ZNF536: variants seen among roughly 807,000 people sequenced by gnomAD.
ZNF536 encodes zinc finger protein 536.
ZNF536 carries 13 observed loss-of-function variants against 84.5 expected under a neutral mutation model. The observed-to-expected ratio is 0.15, with a 90% CI of 0.10 to 0.24. The LOEUF is 0.24. Ranked by LOEUF, ZNF536 falls within the 10% of genes least tolerant of loss-of-function variation. The probability of loss-of-function intolerance (pLI) is 1.00; values close to 1 mark genes in which losing one functional copy is unlikely to be tolerated. For synonymous variants in ZNF536, 811 were observed against 742.5 expected (o/e 1.09, Z -1.50); for missense variants, 1,536 against 1,747.5 (o/e 0.88, Z 2.16).
intron 1 of ZNF536, among the ~76,000 whole-genome samples, chr19:30,230,305 C>T (rs2022935561): frequency 6.6e-6 from 1 of 152,326 alleles, no homozygotes; most frequent in South Asian, 2.1e-4. Flanking sequence ...CTCTAAAATG[C>T]TTTCACCCTA....
At chr19:30,517,767 G>C (rs914879563) in intron 2 of ZNF536, among the ~76,000 whole-genome samples, 2 of 152,092 alleles carry the variant, frequency 1.3e-5, no homozygotes, top group African/African-American at 4.8e-5. Context: ...GGGCAACAGA[G>C]CAAGATCCTG....
chr19:30,653,119 T>C (rs1225495827), intron 1 of ZNF536, among the ~76,000 whole-genome samples: 1 of 152,230 alleles, frequency 6.6e-6, no homozygotes, highest in Admixed American at 6.5e-5. Flanking sequence ...GGTTTCACCA[T>C]GCTTGACTCT....
At chr19:30,642,679 A>G (rs1474803216) in intron 1 of ZNF536, among the ~76,000 whole-genome samples, 1 of 152,208 alleles carries the variant, frequency 6.6e-6, no homozygotes, top group Non-Finnish European at 1.5e-5. Flanking sequence ...GACTCTAGCA[A>G]CAGATTAGAT....
chr19:30,239,675 A>G (rs762171898), intron 1 of ZNF536, among the ~76,000 whole-genome samples: 6 of 152,222 alleles, frequency 3.9e-5, no homozygotes, highest in Non-Finnish European at 8.8e-5. Context: ...CCTGGGAATT[A>G]GAGCAGAAGC....
chr19:30,561,707 G>GTCC (rs2046174209), downstream of ZNF536, among the ~76,000 whole-genome samples: 1 of 152,216 alleles, frequency 6.6e-6, no homozygotes, highest in Admixed American at 6.5e-5. Context: ...AAGGATTGAA[G>GTCC]GAGCCGGGGT....
chr19:30,686,786 C>T (rs1156892638), intron 1 of ZNF536, among the ~76,000 whole-genome samples: 2 of 152,122 alleles, frequency 1.3e-5, no homozygotes, highest in Admixed American at 6.6e-5. Context: ...AGCCCTCCCC[C>T]CACTCCCCCC....
chr19:30,310,573 G>A (rs1245252900), intron 2 of ZNF536, among the ~76,000 whole-genome samples: 1 of 152,226 alleles, frequency 6.6e-6, no homozygotes, highest in Non-Finnish European at 1.5e-5. Context: ...GCAGCGGCAG[G>A]AATTTCATTT....
intron 3 of ZNF536, among the ~76,000 whole-genome samples, chr19:30,367,053 A>G (rs1049580530): frequency 6.6e-6 from 1 of 152,236 alleles, no homozygotes; most frequent in African/African-American, 2.4e-5. Context: ...AAAATGCAAT[A>G]AAAGGATGAC....
At chr19:30,318,090 G>A (rs1020537330) in intron 2 of ZNF536, among the ~76,000 whole-genome samples, 16 of 152,162 alleles carry the variant, frequency 1.1e-4, no homozygotes, top group African/African-American at 2.4e-4. Flanking sequence ...CGGCACATCC[G>A]GCCTGCCCTT....
rs567152304 is a variant in ZNF536 at position 30,275,806 on chromosome 19, A to G, written c.-189-8266A>G. Among the ~76,000 whole-genome samples the G allele has an allele frequency of 5.4e-4, 82 of 151,154 alleles. 1 individual carries two copies. The highest frequency in any genetic ancestry group is 1.9e-3 in the African/African-American group (77 of 41,106). Reference sequence around the variant, plus strand: ...TTATTGAATTCAAGAATGGTCAGTCAATGAACAAAGCCCTCAGAAGGTGTG... The same window carrying G: ...TTATTGAATTCAAGAATGGTCAGTCGATGAACAAAGCCCTCAGAAGGTGTG... On this transcript the variant is annotated intron_variant, in intron 1 of 5. Coordinates refer to the ZNF536 transcript ENST00000585628.
At position 30,228,855 on chromosome 19, in the gene ZNF536, T is replaced by G. The variant is rs930897911; in HGVS notation, c.-190+182T>G. On this transcript the variant is annotated intron_variant, in intron 1 of 5. Coordinates refer to the ZNF536 transcript ENST00000585628. This position sits in a 1 kb window ranked among gnomAD's most constrained non-coding sequence, Gnocchi z 4.5. The stretch of plus-strand genomic sequence containing the variant: ...CCGGCTGGCTGCTCGCACAACTTTT[T>G]TTTTTTCCCCCGTCTGCTGACTTTT... The G allele has an allele frequency of 6.6e-6, 1 of 151,300 alleles. No individual in the cohort carries two copies. Among genetic ancestry groups the G allele is most frequent in the African/African-American group, 2.4e-5 (1 of 41,200 alleles). 9.4% of individuals were successfully genotyped at this position (151,300 alleles called of 1,614,324 possible). A position where few individuals can be genotyped will look rare whatever the true frequency, so the allele number is the denominator to read the frequency against.
intron 1 of ZNF536, among the ~76,000 whole-genome samples, chr19:30,639,746 T>C (rs2147322322): frequency 6.6e-6 from 1 of 152,358 alleles, no homozygotes; most frequent in African/African-American, 2.4e-5. Flanking sequence ...TTCTGGTGTT[T>C]ATCTTCTTGG....
chr19:30,507,257 G>A (rs1385072158), intron 2 of ZNF536, among the ~76,000 whole-genome samples: 4 of 152,092 alleles, frequency 2.6e-5, no homozygotes, highest in South Asian at 4.1e-4. Flanking sequence ...AGTTACTTGG[G>A]AGGCTGAGGC....
chr19:30,361,416 A>G (rs1056293049), intron 3 of ZNF536, among the ~76,000 whole-genome samples: 36 of 144,264 alleles, frequency 2.5e-4, no homozygotes, highest in Non-Finnish European at 5.2e-4. Context: ...GCTTTATGTC[A>G]TATTTTTTTC....
chr19:30,293,246 C>G (rs758796439), intron 2 of ZNF536, among the ~76,000 whole-genome samples: 2 of 152,206 alleles, frequency 1.3e-5, no homozygotes, highest in African/African-American at 2.4e-5. Flanking sequence ...CCCTTCTCGC[C>G]ACCCTCTCTG....
At chr19:30,311,780 A>T (rs937390336) in intron 2 of ZNF536, among the ~76,000 whole-genome samples, 2 of 152,170 alleles carry the variant, frequency 1.3e-5, no homozygotes, top group Non-Finnish European at 2.9e-5. Flanking sequence ...GACTATTAAA[A>T]TTTTAAGGCT....
chr19:30,514,508 T>C (rs1568503856), intron 2 of ZNF536, among the ~76,000 whole-genome samples: 1 of 152,006 alleles, frequency 6.6e-6, no homozygotes, highest in Non-Finnish European at 1.5e-5. Flanking sequence ...CAAAGAAAGA[T>C]GACCAAGTAG....
intron 2 of ZNF536, among the ~76,000 whole-genome samples, chr19:30,349,145 G>A (rs2047848072): frequency 6.6e-6 from 1 of 152,234 alleles, no homozygotes; most frequent in South Asian, 2.1e-4. Flanking sequence ...GGTTTAGTGA[G>A]ATGATATTTT....
chr19:30,676,378 C>T (rs1224587064), intron 1 of ZNF536, among the ~76,000 whole-genome samples: 1 of 152,156 alleles, frequency 6.6e-6, no homozygotes, highest in Non-Finnish European at 1.5e-5. Flanking sequence ...CTCTGTGAGC[C>T]CCTTGTCAAC....
Sources: allele counts gnomAD v4.1 joint callset (sites outside exome capture counted in the v4.1 genomes callset), GRCh38; gene constraint gnomAD v4.1.1; non-coding constraint Gnocchi (gnomAD v3.1); transcripts MANE v1.5; gene names NCBI Gene and HGNC (gene_info 2026-07-23, HGNC 2026-07-21).